Variants in FAM227B observed in about 807,000 individuals in gnomAD.
FAM227B encodes protein FAM227B.
Under a neutral mutation model 73.8 loss-of-function variants are expected in FAM227B, and 88 were observed. The observed-to-expected ratio is 1.19, with a 90% CI of 1.00 to 1.42. FAM227B has a LOEUF of 1.42. FAM227B is among the 40% of genes most tolerant of loss of function. The pLI is 0.00. For missense variants in FAM227B, 632 were observed against 590.9 expected, an observed-to-expected ratio of 1.07 and a Z score of -0.72; for synonymous variants, 210 against 190.5, an observed-to-expected ratio of 1.10 and a Z score of -0.84.
At chr15:49,535,661 T>C (rs1281987913) in intron 10 of FAM227B, among the ~76,000 whole-genome samples, 2 of 151,866 alleles carry the variant, frequency 1.3e-5, no homozygotes, top group Non-Finnish European at 2.9e-5. Context: ...GTAAAAATCC[T>C]TAATAAGATA....
rs2037793146 is a variant in FAM227B, at chr15:49,327,869, T to C, written c.*699A>G. 1.5e-6 allele frequency: 2 copies of C among 1,307,380 alleles called. No individual in the cohort carries two copies. Among genetic ancestry groups the C allele is most frequent in the Non-Finnish European group, 1.1e-6 (1 of 950,758 alleles). 81.0% of individuals were successfully genotyped at this position (1,307,380 alleles called of 1,614,324 possible). A position where few individuals can be genotyped will look rare whatever the true frequency, so the allele number is the denominator to read the frequency against. On this transcript the variant is annotated 3_prime_UTR_variant, in exon 16 of 16. Coordinates refer to ENST00000299338, the MANE Select transcript of FAM227B (RefSeq NM_152647.3). ...ATGTATTTTCTTCTTAGAACTTAGA[T>C]AGGCTATGTGTTCTACAAACACCAA...
chr15:49,403,149 AGCTTTTGGATGT>A, intron 11 of FAM227B, among the ~76,000 whole-genome samples: 1 of 152,258 alleles, frequency 6.6e-6, no homozygotes, highest in South Asian at 2.1e-4. Flanking sequence ...ATGGTGGATA[AGCTTTTGGATGT>A]GCTGCTCGAT....
At chr15:49,470,245 T>TAACACTGGGAACACTGGG in intron 11 of FAM227B, among the ~76,000 whole-genome samples, 1 of 151,666 alleles carries the variant, frequency 6.6e-6, no homozygotes, top group East Asian at 1.9e-4. Context: ...TATAATTCTT[T>TAACACTGGGAACACTGGG]AACACTGGGA....
chr15:49,476,929 G>A (rs1439509958), intron 11 of FAM227B, among the ~76,000 whole-genome samples: 10 of 151,952 alleles, frequency 6.6e-5, no homozygotes, highest in African/African-American at 2.2e-4. Context: ...GCGTGGTGGC[G>A]GGTGCCTGTA....
intron 11 of FAM227B, chr15:49,425,196 G>A (rs1255128510): frequency 6.6e-6 from 1 of 151,908 alleles, no homozygotes; most frequent in Admixed American, 6.6e-5. Context: ...CTCTCCTAAC[G>A]TTTTCCTTAA....
chr15:49,525,481 G>C (rs1284236704), intron 10 of FAM227B, among the ~76,000 whole-genome samples: 4 of 151,622 alleles, frequency 2.6e-5, no homozygotes, highest in African/African-American at 4.9e-5. Flanking sequence ...TTTATTGGCA[G>C]CATGAAAACA....
At chr15:49,571,708 T>C (rs1459250940) in intron 8 of FAM227B, among the ~76,000 whole-genome samples, 1 of 151,980 alleles carries the variant, frequency 6.6e-6, no homozygotes, top group Non-Finnish European at 1.5e-5. Flanking sequence ...CGTATATGTG[T>C]CTGTTTTTAT....
chr15:49,422,664 G>T, intron 11 of FAM227B: 1 of 1,086,424 alleles, frequency 9.2e-7, no homozygotes, highest in South Asian at 1.3e-5. Flanking sequence ...AAGTCATACT[G>T]GTCATTAGTG....
chr15:49,474,626 C>T (rs567518494), intron 11 of FAM227B, among the ~76,000 whole-genome samples: 37 of 152,170 alleles, frequency 2.4e-4, no homozygotes, highest in Middle Eastern at 3.4e-3. Context: ...TATCAGTTTT[C>T]GGCAGGAGCC....
At chr15:49,541,576 A>T in intron 10 of FAM227B, 104 bp downstream of exon 10, 2 of 1,065,232 alleles carry the variant, frequency 1.9e-6, no homozygotes, top group Admixed American at 3.1e-5. Flanking sequence ...ATGCTTTGTA[A>T]GAAAAAGAAC....
At chr15:49,525,024 T>C (rs1415368692) in intron 10 of FAM227B, among the ~76,000 whole-genome samples, 1 of 152,190 alleles carries the variant, frequency 6.6e-6, no homozygotes, top group Non-Finnish European at 1.5e-5. Context: ...CTTTGGATTG[T>C]GGACTTTTGA....
intron 10 of FAM227B, among the ~76,000 whole-genome samples, chr15:49,539,683 C>T (rs1010841522): frequency 6.6e-6 from 1 of 152,148 alleles, no homozygotes; most frequent in African/African-American, 2.4e-5. Context: ...GCAGGTGTTG[C>T]CCTAGGATCT....
At chr15:49,357,262 C>A (rs1256020404) in intron 13 of FAM227B, among the ~76,000 whole-genome samples, 1 of 149,916 alleles carries the variant, frequency 6.7e-6, no homozygotes, top group African/African-American at 2.5e-5. Flanking sequence ...AATAGAGACA[C>A]AAAAAACCCT....
rs2058511178 is a variant in FAM227B, at chr15:49,505,481, T to G, written c.1012+2730A>C. On this transcript the variant is annotated intron_variant, in intron 11 of 15. Transcript: ENST00000299338. ...ACACTATATAATGTGAGGCTATTATTTATGTAGATATATTTGACAATAGCA... is the reference window on the plus strand; with the variant it reads ...ACACTATATAATGTGAGGCTATTATGTATGTAGATATATTTGACAATAGCA... Among the ~76,000 whole-genome samples the G allele has an allele frequency of 2.0e-5, 3 of 152,102 alleles. No individual in the cohort carries two copies. The South Asian group carries it at 6.2e-4, about 31-fold the overall frequency.
intron 11 of FAM227B, chr15:49,483,258 T>C (rs1307189336): frequency 7.3e-7 from 1 of 1,373,764 alleles, no homozygotes; most frequent in East Asian, 2.3e-5. Context: ...TGCAAAGGTA[T>C]TGATAATTGA....
intron 11 of FAM227B, among the ~76,000 whole-genome samples, chr15:49,500,142 C>T (rs2058020388): frequency 6.6e-6 from 1 of 152,154 alleles, no homozygotes; most frequent in African/African-American, 2.4e-5. Context: ...TTTTTCTAGG[C>T]TGCAGTGAAT....
chr15:49,426,490 T>G (rs1013328429), intron 11 of FAM227B, among the ~76,000 whole-genome samples: 1 of 151,970 alleles, frequency 6.6e-6, no homozygotes, highest in African/African-American at 2.4e-5. Context: ...TGAAAATGAA[T>G]AGTATGCATA....
intron 3 of FAM227B, among the ~76,000 whole-genome samples, chr15:49,595,755 A>T (rs1180369205): frequency 6.6e-6 from 1 of 151,882 alleles, no homozygotes; most frequent in African/African-American, 2.4e-5. Context: ...CCAGAGAAAT[A>T]CATATCATAA....
At chr15:49,441,666 T>C (rs1339775136) in intron 11 of FAM227B, among the ~76,000 whole-genome samples, 1 of 151,722 alleles carries the variant, frequency 6.6e-6, no homozygotes, top group East Asian at 1.9e-4. Flanking sequence ...CATCATTTCA[T>C]ATGTTCAGCC....
Sources: gnomAD v4.1 joint callset for allele counts (sites outside exome capture counted in the v4.1 genomes callset) on GRCh38, gnomAD v4.1.1 for gene constraint, MANE v1.5 for transcripts, NCBI Gene and HGNC (gene_info 2026-07-23, HGNC 2026-07-21) for gene names.